EXOC1: variants seen among roughly 807,000 people sequenced by gnomAD.
The protein encoded by EXOC1 is exocyst complex component 1.
EXOC1 carries 67 observed loss-of-function variants against 107.7 expected under a neutral mutation model. The observed-to-expected ratio is 0.62, with a 90% CI of 0.51 to 0.76. The LOEUF (loss-of-function observed/expected upper bound fraction) is 0.76. Ranked by LOEUF, EXOC1 falls within the 30% of genes least tolerant of loss-of-function variation. The pLI is 0.00. For missense variants in EXOC1, 833 were observed against 1,055.7 expected (o/e 0.79, Z 2.92); for synonymous variants, 348 against 353.5 (o/e 0.98, Z 0.17).
intron 4 of EXOC1, 51 bp from the exon 5 acceptor site, chr4:55,868,285 A>G (rs375184689): frequency 3.1e-5 from 46 of 1,501,392 alleles, no homozygotes; most frequent in South Asian, 7.9e-5. Context: ...ATTATGTTAT[A>G]GTCTTTTCTA....
rs1276177454 is a variant in EXOC1, at chr4:55,871,304, T to G, written c.964+71T>G. 5.2e-6 allele frequency: 8 copies of G among 1,535,596 alleles called. No individual in the cohort carries two copies. In the Admixed American group the frequency reaches 1.6e-4, roughly 31 times the overall value. The stretch of plus-strand genomic sequence containing the variant: ...TAAGCCTGTAACTTGTTATAAAGGT[T>G]TTGACAAGAAATACATGAGACAAGT... On this transcript the variant is annotated intron_variant, in intron 7 of 18. Transcript: ENST00000381295.
At chr4:55,890,506 G>T in intron 12 of EXOC1, 120 bp downstream of exon 12, 13 of 500,020 alleles carry the variant, frequency 2.6e-5, no homozygotes, top group Non-Finnish European at 3.6e-5. Context: ...CATTAACCAT[G>T]TCTTTCCAAC....
intron 9 of EXOC1, among the ~76,000 whole-genome samples, chr4:55,880,356 G>C (rs1165224120): frequency 6.6e-6 from 1 of 151,286 alleles, no homozygotes; most frequent in Non-Finnish European, 1.5e-5. Context: ...TGTCTGGCTA[G>C]CTATTTTAGG....
chr4:55,862,752 C>G (rs1180925769), intron 3 of EXOC1, among the ~76,000 whole-genome samples: 1 of 152,176 alleles, frequency 6.6e-6, no homozygotes, highest in East Asian at 1.9e-4. Flanking sequence ...ACTTCCCTTA[C>G]TTTAATGTAT....
chr4:55,892,541 C>G, intron 13 of EXOC1, 94 bp from the exon 14 acceptor site: 2 of 935,456 alleles, frequency 2.1e-6, no homozygotes, highest in South Asian at 2.9e-5. Context: ...GTATTCTTTC[C>G]TAGGAATTTT....
intron 13 of EXOC1, among the ~76,000 whole-genome samples, chr4:55,892,182 A>G (rs561820863): frequency 6.6e-6 from 1 of 152,178 alleles, no homozygotes; most frequent in South Asian, 2.1e-4. Flanking sequence ...AAATTTGTTT[A>G]TTTGTTGGCC....
chr4:55,899,685 T>G lies in EXOC1; in HGVS notation c.2138T>G (p.Val713Gly), dbSNP rs774169753. 25 of 1,607,848 alleles carry G rather than the reference T, an allele frequency of 1.6e-5. No individual in the cohort carries two copies. The highest frequency in any genetic ancestry group is 1.9e-5 in the Non-Finnish European group (22 of 1,177,846). ...TKLIRGVFVN[V>G]EKVANESQKT... ...TTTATTTTTTCTGTTTTGGTTTTAG[T>G]GGAGAAAGTAGCAAATGAAAGCCAG... The change falls in exon 17 of 19, where the codon GTG (valine) becomes GGG (glycine). Residue 713 changes from valine (V) to glycine (G), a missense_variant and splice_region_variant. Physicochemically the swap from Val to Gly is moderately radical, Grantham distance 109. Around this residue, in one of 2 missense-constraint regions of EXOC1, gnomAD observed 216 missense variants for 354.4 expected, o/e 0.61. Coordinates refer to ENST00000381295, the MANE Select transcript of EXOC1 (RefSeq NM_001024924.2).
chr4:55,868,029 TG>T (rs1722109932), intron 4 of EXOC1, among the ~76,000 whole-genome samples: 2 of 152,218 alleles, frequency 1.3e-5, no homozygotes, highest in South Asian at 4.1e-4. Context: ...CACCTGTTTT[TG>T]TATTTTGTTT....
Position 55,870,878 on chromosome 4 carries a change from ACTC to A in EXOC1, c.807_809del (p.Leu270del), listed in dbSNP as rs1286504797. 3 of 1,613,564 alleles carry A rather than the reference ACTC, an allele frequency of 1.9e-6. No homozygotes were observed. The stretch of plus-strand genomic sequence containing the variant: ...ATCTTAGTAACACTAATAATGTAAA[ACTC>A]CTATCTGAGATAGAGTTCCTTGTGG... On this transcript the variant is annotated inframe_deletion, in exon 6 of 19. Coordinates refer to ENST00000381295, the MANE Select transcript of EXOC1 (RefSeq NM_001024924.2).
At chr4:55,868,032 A>G (rs531164687) in intron 4 of EXOC1, among the ~76,000 whole-genome samples, 1 of 152,176 alleles carries the variant, frequency 6.6e-6, no homozygotes, top group South Asian at 2.1e-4. Context: ...CTGTTTTTGT[A>G]TTTTGTTTTT....
intron 1 of EXOC1, among the ~76,000 whole-genome samples, chr4:55,857,468 G>T (rs939548361): frequency 1.3e-5 from 2 of 151,924 alleles, no homozygotes; most frequent in Admixed American, 6.6e-5. Context: ...GCCCGTGCCC[G>T]GCCCTTTGTT....
chr4:55,893,814 T>C, intron 15 of EXOC1, 34 bp downstream of exon 15: 1 of 1,527,014 alleles, frequency 6.5e-7, no homozygotes, highest in Non-Finnish European at 9.0e-7. Flanking sequence ...TACCTTAGCA[T>C]CCTAGTCATT....
At chr4:55,890,694 A>T in intron 12 of EXOC1, among the ~76,000 whole-genome samples, 1 of 152,166 alleles carries the variant, frequency 6.6e-6, no homozygotes, top group African/African-American at 2.4e-5. Context: ...AGCTTTTGTG[A>T]TGCTGGCCTT....
rs185975256 is a variant in EXOC1, at chr4:55,887,540, C to A, written c.1331-1348C>A. On this transcript the variant is annotated intron_variant, in intron 10 of 18. Coordinates refer to ENST00000381295, the MANE Select transcript of EXOC1 (RefSeq NM_001024924.2). ...TAAGGGATATAGGCTGTTTTATGAA[C>A]CTCAAATTATAATTAATAGGCACTA... 5.1e-3 allele frequency among the ~76,000 whole-genome samples: 775 copies of A among 151,816 alleles called. 10 individuals carry two copies. The highest frequency in any genetic ancestry group is 0.018 in the African/African-American group (740 of 41,372).
intron 3 of EXOC1, among the ~76,000 whole-genome samples, chr4:55,863,291 CT>C (rs1415604616): frequency 6.6e-6 from 1 of 152,030 alleles, no homozygotes; most frequent in Non-Finnish European, 1.5e-5. Flanking sequence ...GCTTAAGAGA[CT>C]TGAAGAAACT....
chr4:55,893,786 T>TGCA lies in EXOC1; in HGVS notation c.1953+6_1953+7insGCA. 6.2e-7 allele frequency: 1 copy of TGCA among 1,605,366 alleles called. No homozygotes were observed. The highest frequency in any genetic ancestry group is 1.3e-5 in the African/African-American group (1 of 74,456). ...GGAACTTTGACAAATGCATTGTAAG[T>TGCA]TTTCTTTTTTAAAAAAATACCTTAG... On this transcript the variant is annotated splice_region_variant and intron_variant, in intron 15 of 18. Coordinates refer to ENST00000381295, the MANE Select transcript of EXOC1 (RefSeq NM_001024924.2).
Position 55,904,329 on chromosome 4 carries a change from T to C in EXOC1, c.2533-14T>C, listed in dbSNP as rs1225863455. 6.3e-6 allele frequency: 10 copies of C among 1,579,782 alleles called. No individual in the cohort carries two copies. The highest frequency in any genetic ancestry group is 7.7e-6 in the Non-Finnish European group (9 of 1,165,800). ...TTCCATTCATAGCCTAATGACTTTT[T>C]TTTTTAATAATAGGTGGTGTGGCAC... is the stretch of plus-strand genomic sequence containing the variant. On this transcript the variant is annotated splice_polypyrimidine_tract_variant and intron_variant, in intron 18 of 18. Coordinates refer to ENST00000381295, the MANE Select transcript of EXOC1 (RefSeq NM_001024924.2).
At chr4:55,880,982 G>A (rs1211441300) in intron 9 of EXOC1, among the ~76,000 whole-genome samples, 1 of 152,180 alleles carries the variant, frequency 6.6e-6, no homozygotes, top group African/African-American at 2.4e-5. Flanking sequence ...AGACCAATCA[G>A]TGTTTCTTTA....
At chr4:55,858,525 T>C in intron 2 of EXOC1, 78 bp downstream of exon 2, 1 of 1,415,610 alleles carries the variant, frequency 7.1e-7, no homozygotes. Flanking sequence ...GTTTTGAATA[T>C]CCTCATTGTC....
Sources: allele counts gnomAD v4.1 joint callset (sites outside exome capture counted in the v4.1 genomes callset), GRCh38; gene constraint gnomAD v4.1.1; regional missense constraint gnomAD v4.1.1; transcripts MANE v1.5; gene names NCBI Gene and HGNC (gene_info 2026-07-23, HGNC 2026-07-21).